The following MOXD1 variants were observed in gnomAD, a reference collection of about 807,000 sequenced individuals.
The protein encoded by MOXD1 is DBH-like monooxygenase protein 1.
A neutral mutation model predicts 66.6 loss-of-function variants in MOXD1; 62 were observed. The ratio of observed to expected loss-of-function variants is 0.93; its 90% CI spans 0.76 to 1.15. The LOEUF is 1.15. Ranked by LOEUF, MOXD1 falls within the 50% of genes most tolerant of loss-of-function variation. MOXD1 has a pLI of 0.00. For synonymous variants in MOXD1, 303 were observed against 281.9 expected, an observed-to-expected ratio of 1.07 and a Z score of -0.75; for missense variants, 847 against 754.6, an observed-to-expected ratio of 1.12 and a Z score of -1.44.
chr6:132,385,563 A>G (rs1354481126), intron 1 of MOXD1, among the ~76,000 whole-genome samples: 1 of 151,212 alleles, frequency 6.6e-6, no homozygotes. Context: ...GGCTCCCTGC[A>G]ATCTCCATCT....
At chr6:132,316,026 C>T (rs56731041) in intron 9 of MOXD1, among the ~76,000 whole-genome samples, 2,348 of 152,230 alleles carry the variant, frequency 0.015, 67 homozygotes, top group African/African-American at 0.054. Context: ...GTAAACTTCT[C>T]AACACAGTGA....
Position 132,327,897 on chromosome 6 carries a change from T to C in MOXD1, c.946+116A>G, listed in dbSNP as rs190886681. On this transcript the variant is annotated intron_variant, in intron 6 of 11. Transcript: ENST00000367963. ...AGTATCCTAATTTGAATGACAAATA[T>C]ATAGGTTAATTCCTTCTAACACTGG... 112 of 738,820 alleles carry C rather than the reference T, an allele frequency of 1.5e-4. 1 individual carries two copies. The Admixed American group carries it at 2.6e-3, about 17-fold the overall frequency. 45.8% of individuals were successfully genotyped at this position (738,820 alleles called of 1,614,324 possible).
chr6:132,327,014 T>C (rs1484160102), intron 6 of MOXD1, among the ~76,000 whole-genome samples: 1 of 152,198 alleles, frequency 6.6e-6, no homozygotes, highest in Admixed American at 6.5e-5. Flanking sequence ...TAAAAATCCT[T>C]AATGGGTCCT....
intron 1 of MOXD1, among the ~76,000 whole-genome samples, chr6:132,398,104 T>C (rs1776937616): frequency 1.3e-5 from 2 of 152,220 alleles, no homozygotes; most frequent in Non-Finnish European, 2.9e-5. Context: ...CACATCCTTG[T>C]GTACACATTA....
chr6:132,328,072 G>A lies in MOXD1; in HGVS notation c.887C>T (p.Pro296Leu), dbSNP rs377425439. Residue 296 changes from proline to leucine, a missense_variant, in exon 6 of 12, where the codon CCA becomes CTA. Coordinates refer to ENST00000367963, the MANE Select transcript of MOXD1 (RefSeq NM_015529.4). Reference sequence around the variant, plus strand: ...TAGGAGCACATAATGCGGATCTAATGGAGTGCCAAGGGATAATCCAACATG... The same window carrying A: ...TAGGAGCACATAATGCGGATCTAATAGAGTGCCAAGGGATAATCCAACATG... ...PPHVGLSLGT[P>L]LDPHYVLLEV... 3 of 1,613,856 alleles carry A rather than the reference G, an allele frequency of 1.9e-6. No homozygotes were observed. Among genetic ancestry groups the A allele is most frequent in the Admixed American group, 3.3e-5 (2 of 59,996 alleles).
In MOXD1 at chr6:132,401,198, C is replaced by G; in HGVS notation, c.229G>C (p.Val77Leu). 6.4e-7 allele frequency: 1 copy of G among 1,552,208 alleles called. No individual in the cohort carries two copies. Among genetic ancestry groups the G allele is most frequent in the Non-Finnish European group, 8.6e-7 (1 of 1,157,228 alleles). ...GGCCGCCCGTGGGCCACCCCGCCCA[C>G]GACGATGTCGGCGGACGCCATGGCC... is the stretch of plus-strand genomic sequence containing the variant. ...TGAMASADIV[V>L]GGVAHGRPYL... Residue 77 changes from valine to leucine, a missense_variant, in exon 1 of 12, where the codon GTG (valine) becomes CTG (leucine). Coordinates refer to ENST00000367963, the MANE Select transcript of MOXD1 (RefSeq NM_015529.4).
At chr6:132,303,704 T>TATACACACACAC (rs1554230027) in intron 10 of MOXD1, among the ~76,000 whole-genome samples, 3 of 134,750 alleles carry the variant, frequency 2.2e-5, no homozygotes, top group African/African-American at 9.1e-5. Flanking sequence ...GCTGACTGTA[T>TATACACACACAC]ACATACACAC....
intron 4 of MOXD1, among the ~76,000 whole-genome samples, chr6:132,356,360 C>T (rs1775910365): frequency 6.6e-6 from 1 of 152,142 alleles, no homozygotes; most frequent in Admixed American, 6.5e-5. Context: ...AGTTTTCATC[C>T]ATTAACAGGC....
intron 4 of MOXD1, among the ~76,000 whole-genome samples, chr6:132,351,191 G>A (rs1314599161): frequency 1.3e-5 from 2 of 152,066 alleles, no homozygotes; most frequent in African/African-American, 2.4e-5. Context: ...AAGAGGGGTG[G>A]TGAGATTGGG....
At chr6:132,386,433 C>CAAAAAA (rs143926667) in intron 1 of MOXD1, among the ~76,000 whole-genome samples, 2 of 65,112 alleles carry the variant, frequency 3.1e-5, no homozygotes, top group African/African-American at 1.0e-4. Context: ...CAAAACAAAA[C>CAAAAAA]AAAAAAAAAA....
intron 8 of MOXD1, among the ~76,000 whole-genome samples, chr6:132,321,334 G>A (rs1284113352): frequency 6.6e-6 from 1 of 151,986 alleles, no homozygotes; most frequent in South Asian, 2.1e-4. Context: ...ATAGGCATTA[G>A]CAACAAATGA....
At chr6:132,312,598 C>CTTTTTTTTTTTTTTT (rs10710763) in intron 10 of MOXD1, among the ~76,000 whole-genome samples, 1 of 146,552 alleles carries the variant, frequency 6.8e-6, no homozygotes, top group Non-Finnish European at 1.5e-5. Context: ...GGGTTTTGTC[C>CTTTTTTTTTTTTTTT]TTTTTTTTTT....
At chr6:132,344,353 G>A (rs1329350668) in intron 4 of MOXD1, among the ~76,000 whole-genome samples, 2 of 152,140 alleles carry the variant, frequency 1.3e-5, no homozygotes, top group African/African-American at 4.8e-5. Context: ...ATCCCACACA[G>A]GAGAAGAAAG....
At chr6:132,326,595 C>A (rs945879859) in intron 6 of MOXD1, among the ~76,000 whole-genome samples, 4 of 152,008 alleles carry the variant, frequency 2.6e-5, no homozygotes, top group Non-Finnish European at 2.9e-5. Flanking sequence ...ATTGTGATGA[C>A]AATTTTTATG....
chr6:132,401,058 T>C lies in MOXD1; in HGVS notation c.264+105A>G, dbSNP rs1490470774. On this transcript the variant is annotated intron_variant, in intron 1 of 11. Coordinates refer to ENST00000367963, the MANE Select transcript of MOXD1 (RefSeq NM_015529.4). ...GCCGGGGGCGCGGGGCTGCGCCAGG[T>C]GAGAGAGAGCTGCGGGCCCCGGGGA... The C allele has an allele frequency of 4.6e-6, 6 of 1,313,128 alleles. No homozygotes were observed. In the East Asian group the frequency reaches 1.2e-4, roughly 26 times the overall value. 81.3% of individuals were successfully genotyped at this position (1,313,128 alleles called of 1,614,324 possible).
intron 4 of MOXD1, among the ~76,000 whole-genome samples, chr6:132,348,818 A>G (rs1022703803): frequency 6.6e-6 from 1 of 152,090 alleles, no homozygotes; most frequent in Non-Finnish European, 1.5e-5. Flanking sequence ...TAATGGTTCC[A>G]AAAAAGACTG....
intron 1 of MOXD1, among the ~76,000 whole-genome samples, chr6:132,397,396 T>G (rs919185331): frequency 6.6e-6 from 1 of 152,146 alleles, no homozygotes; most frequent in African/African-American, 2.4e-5. Flanking sequence ...TAAAAAGAAA[T>G]GGGACTTGCT....
At chr6:132,302,487 CATATT>C (rs1774562675) in intron 10 of MOXD1, among the ~76,000 whole-genome samples, 1 of 145,740 alleles carries the variant, frequency 6.9e-6, no homozygotes, top group Non-Finnish European at 1.5e-5. Context: ...CTTAAAAAAA[CATATT>C]ATTAACAAAA....
At chr6:132,327,619 C>T (rs1167311875) in intron 6 of MOXD1, among the ~76,000 whole-genome samples, 1 of 152,180 alleles carries the variant, frequency 6.6e-6, no homozygotes, top group East Asian at 1.9e-4. Context: ...CAACAAAATG[C>T]TTACACTTTT....
Sources: allele counts gnomAD v4.1 joint callset (sites outside exome capture counted in the v4.1 genomes callset), GRCh38; gene constraint gnomAD v4.1.1; transcripts MANE v1.5; gene names NCBI Gene and HGNC (gene_info 2026-07-23, HGNC 2026-07-21).